DENND1A: variants seen among roughly 807,000 people sequenced by gnomAD.
DENND1A encodes the protein DENN domain containing 1A.
Under a neutral mutation model 113.7 loss-of-function variants are expected in DENND1A, and 51 were observed. The observed-to-expected ratio is 0.45, with a 90% CI of 0.36 to 0.57. DENND1A has a LOEUF of 0.57. Among genes scored for constraint, DENND1A ranks in the 20% least tolerant of loss-of-function variants. The pLI is 0.00. For missense variants in DENND1A, 1,258 were observed against 1,395.9 expected (o/e 0.90, Z 1.57); for synonymous variants, 565 against 570.8 (o/e 0.99, Z 0.14).
intron 1 of DENND1A, among the ~76,000 whole-genome samples, chr9:123,894,999 C>T (rs1850500513): frequency 1.3e-5 from 2 of 151,130 alleles, no homozygotes; most frequent in Non-Finnish European, 2.9e-5. Flanking sequence ...CATGCAGAGG[C>T]TGGAGAATGC....
intron 8 of DENND1A, among the ~76,000 whole-genome samples, chr9:123,656,081 C>T (rs998111401): frequency 4.6e-5 from 7 of 152,192 alleles, no homozygotes; most frequent in African/African-American, 1.2e-4. Flanking sequence ...CTCCCCTTGA[C>T]GGATATGCAG....
At chr9:123,676,353 G>C (rs1589624810) in intron 6 of DENND1A, among the ~76,000 whole-genome samples, 1 of 152,152 alleles carries the variant, frequency 6.6e-6, no homozygotes, top group African/African-American at 2.4e-5. Context: ...CATGACATGA[G>C]CAATTCAGAT....
intron 12 of DENND1A, among the ~76,000 whole-genome samples, chr9:123,579,521 G>A (rs978714213): frequency 3.9e-5 from 6 of 152,184 alleles, no homozygotes; most frequent in African/African-American, 9.7e-5. Flanking sequence ...GGAGGGATGA[G>A]GCTGGAGTCA....
At chr9:123,532,787 C>A (rs2055430857) in intron 13 of DENND1A, among the ~76,000 whole-genome samples, 1 of 152,112 alleles carries the variant, frequency 6.6e-6, no homozygotes, top group South Asian at 2.1e-4. Flanking sequence ...TTCCTATAGC[C>A]CAAAGTATAG....
At chr9:123,627,304 G>A (rs964301080) in intron 10 of DENND1A, among the ~76,000 whole-genome samples, 5 of 152,220 alleles carry the variant, frequency 3.3e-5, no homozygotes, top group Non-Finnish European at 7.3e-5. Context: ...CCCAGGAGCA[G>A]TTCTGGCCTG....
chr9:123,778,589 T>G (rs1374979432), intron 3 of DENND1A, among the ~76,000 whole-genome samples: 1 of 152,182 alleles, frequency 6.6e-6, no homozygotes, highest in Non-Finnish European at 1.5e-5. Context: ...AGGGCCAGAT[T>G]GTAAATATTT....
chr9:123,910,800 C>T (rs1390159419), intron 1 of DENND1A, among the ~76,000 whole-genome samples: 2 of 152,084 alleles, frequency 1.3e-5, no homozygotes, highest in Non-Finnish European at 2.9e-5. Context: ...ATTATCCAGG[C>T]GTGGTGGCAC....
intron 5 of DENND1A, among the ~76,000 whole-genome samples, chr9:123,677,912 C>G (rs1215165145): frequency 6.6e-6 from 1 of 152,154 alleles, no homozygotes; most frequent in Non-Finnish European, 1.5e-5. Context: ...CATAGATATG[C>G]TCCCCTCACT....
intron 5 of DENND1A, among the ~76,000 whole-genome samples, chr9:123,734,992 G>A (rs751472930): frequency 6.6e-6 from 1 of 152,112 alleles, no homozygotes; most frequent in Non-Finnish European, 1.5e-5. Flanking sequence ...CTCTCATTAC[G>A]TAGATGGAGA....
chr9:123,797,459 A>G (rs1263693872), intron 2 of DENND1A, among the ~76,000 whole-genome samples: 1 of 152,162 alleles, frequency 6.6e-6, no homozygotes, highest in East Asian at 1.9e-4. Flanking sequence ...ATTTTCCCCA[A>G]AATACACCCA....
chr9:123,609,462 T>C lies in DENND1A; in HGVS notation c.739A>G (p.Ile247Val). The C allele has an allele frequency of 6.2e-7, 1 of 1,613,558 alleles. No homozygotes were observed. The highest frequency in any genetic ancestry group is 8.5e-7 in the Non-Finnish European group (1 of 1,179,728). ...TCCATTAAACTTAAATGGATTCCTA[T>C]GAGGTAGGGCATGGGAGCACTGTGA... ...DYCCAPMPYLIGIHLSLMEKV... is the reference protein window; with the variant it reads ...DYCCAPMPYLVGIHLSLMEKV... Residue 247 changes from isoleucine (I) to valine (V), a missense_variant, in exon 11 of 24, where the codon ATA (isoleucine) becomes GTA (valine). Ile to Val is a conservative substitution (Grantham distance 29, BLOSUM62 3). Coordinates refer to ENST00000394215, the MANE Select transcript of DENND1A (RefSeq NM_001352964.2).
chr9:123,601,375 T>C (rs973624140), intron 11 of DENND1A, among the ~76,000 whole-genome samples: 1 of 152,270 alleles, frequency 6.6e-6, no homozygotes, highest in African/African-American at 2.4e-5. Flanking sequence ...GAGATTCATA[T>C]TCATTTTAAA....
intron 20 of DENND1A, among the ~76,000 whole-genome samples, chr9:123,407,084 G>C (rs2043915593): frequency 6.7e-6 from 1 of 150,202 alleles, no homozygotes; most frequent in Non-Finnish European, 1.5e-5. Context: ...ACAAACAAAA[G>C]GAATGGGTTG....
chr9:123,650,906 CAAAAA>C (rs76905879), intron 9 of DENND1A, among the ~76,000 whole-genome samples: 2 of 35,652 alleles, frequency 5.6e-5, no homozygotes, highest in Admixed American at 3.2e-4. Flanking sequence ...GACTCTGTCT[CAAAAA>C]AAAAAAAAAA....
At chr9:123,466,934 C>A (rs914895769) in intron 13 of DENND1A, among the ~76,000 whole-genome samples, 1 of 151,492 alleles carries the variant, frequency 6.6e-6, no homozygotes, top group African/African-American at 2.4e-5. Context: ...GTCTGTCATG[C>A]CAGCTACTCA....
Position 123,402,661 on chromosome 9 carries a change from C to T in DENND1A, c.1631+741G>A, listed in dbSNP as rs2043582932. On this transcript the variant is annotated intron_variant, in intron 21 of 23. Coordinates refer to ENST00000394215, the MANE Select transcript of DENND1A (RefSeq NM_001352964.2). ...AGCCGCTGAGTTGTCTGGATAGAGACTGAGGGCTGTGCTCCTTTTGCGGAC... is the reference window on the plus strand; with the variant it reads ...AGCCGCTGAGTTGTCTGGATAGAGATTGAGGGCTGTGCTCCTTTTGCGGAC... The T allele has an allele frequency of 5.6e-6, 3 of 532,292 alleles. No individual in the cohort carries two copies. In the African/African-American group the frequency reaches 5.8e-5, roughly 10 times the overall value. 33.0% of individuals were successfully genotyped at this position (532,292 alleles called of 1,614,324 possible).
chr9:123,527,737 A>T (rs1466878876), intron 13 of DENND1A, among the ~76,000 whole-genome samples: 1 of 152,180 alleles, frequency 6.6e-6, no homozygotes, highest in East Asian at 1.9e-4. Flanking sequence ...CCAGTGCCCA[A>T]TGTGGTTACT....
chr9:123,724,705 C>T (rs1338173727), intron 5 of DENND1A, among the ~76,000 whole-genome samples: 1 of 152,126 alleles, frequency 6.6e-6, no homozygotes, highest in Non-Finnish European at 1.5e-5. Context: ...CCTCTCTGAG[C>T]ACAGGTCATC....
chr9:123,398,531 T>C (rs1335977119), intron 21 of DENND1A, among the ~76,000 whole-genome samples: 3 of 150,780 alleles, frequency 2.0e-5, no homozygotes, highest in African/African-American at 4.9e-5. Context: ...TCCACCACCA[T>C]GCCCGGCTAA....
Sources: allele counts gnomAD v4.1 joint callset (sites outside exome capture counted in the v4.1 genomes callset), GRCh38; gene constraint gnomAD v4.1.1; transcripts MANE v1.5; gene names NCBI Gene and HGNC (gene_info 2026-07-23, HGNC 2026-07-21).